The following ARHGAP24 variants were observed in gnomAD, a reference collection of about 807,000 sequenced individuals.
ARHGAP24 encodes the protein rho GTPase-activating protein 24.
A neutral mutation model predicts 76.4 loss-of-function variants in ARHGAP24; 50 were observed. That is an observed-to-expected ratio of 0.65 (90% confidence interval 0.52 to 0.83). The LOEUF (loss-of-function observed/expected upper bound fraction) is 0.83. Among genes scored for constraint, ARHGAP24 ranks in the 40% least tolerant of loss-of-function variants. The pLI is 0.00. For synonymous variants in ARHGAP24, 345 were observed against 323.3 expected, an observed-to-expected ratio of 1.07 and a Z score of -0.72; for missense variants, 930 against 914.2, an observed-to-expected ratio of 1.02 and a Z score of -0.22.
chr4:85,959,664 C>T (rs1578434635), intron 5 of ARHGAP24, among the ~76,000 whole-genome samples: 1 of 152,096 alleles, frequency 6.6e-6, no homozygotes, highest in South Asian at 2.1e-4. Flanking sequence ...TTCCGTGATT[C>T]GTGTACAAGC....
chr4:85,569,861 G>A (rs1380149510), intron 1 of ARHGAP24, among the ~76,000 whole-genome samples: 2 of 152,128 alleles, frequency 1.3e-5, no homozygotes, highest in Admixed American at 6.5e-5. Flanking sequence ...CTTGAAATGG[G>A]GACACACGTC....
At chr4:85,829,079 A>C (rs1455800300) in intron 3 of ARHGAP24, among the ~76,000 whole-genome samples, 1 of 152,204 alleles carries the variant, frequency 6.6e-6, no homozygotes, top group African/African-American at 2.4e-5. Flanking sequence ...AAAAATTTAG[A>C]GTCAGCAGAA....
chr4:85,485,377 ATATATATATATATATAT>A (rs1267597136), intron 1 of ARHGAP24, among the ~76,000 whole-genome samples: 2 of 10,382 alleles, frequency 1.9e-4, no homozygotes, highest in African/African-American at 7.4e-4. Context: ...AAAAAAAAAA[ATATATATATATATATAT>A]ATATATATAT....
intron 2 of ARHGAP24, among the ~76,000 whole-genome samples, chr4:85,669,268 G>A (rs1359525117): frequency 6.6e-6 from 1 of 152,064 alleles, no homozygotes; most frequent in Non-Finnish European, 1.5e-5. Flanking sequence ...TTATGTAATT[G>A]AGGAATTTTG....
chr4:85,875,122 T>TA (rs1732812599), intron 3 of ARHGAP24, among the ~76,000 whole-genome samples: 1 of 42,264 alleles, frequency 2.4e-5, no homozygotes, highest in African/African-American at 8.5e-5. Context: ...ATATAATATA[T>TA]TTATCTTATA....
At chr4:85,895,308 C>T (rs753214934) in intron 3 of ARHGAP24, among the ~76,000 whole-genome samples, 5 of 152,274 alleles carry the variant, frequency 3.3e-5, no homozygotes, top group Non-Finnish European at 7.4e-5. Context: ...AGCTCACCAT[C>T]GGAAGTTTTA....
At chr4:85,894,048 A>T (rs568483972) in intron 3 of ARHGAP24, among the ~76,000 whole-genome samples, 2 of 144,406 alleles carry the variant, frequency 1.4e-5, no homozygotes, top group African/African-American at 5.2e-5. Flanking sequence ...ATGTATACAT[A>T]TGTAACTAAC....
At chr4:85,931,367 G>C (rs1024946543) in intron 4 of ARHGAP24, among the ~76,000 whole-genome samples, 2 of 152,074 alleles carry the variant, frequency 1.3e-5, no homozygotes, top group South Asian at 4.2e-4. Context: ...GCCCTTCCTA[G>C]ACCCAAATCA....
intron 2 of ARHGAP24, among the ~76,000 whole-genome samples, chr4:85,628,199 C>G (rs1721036117): frequency 6.6e-6 from 1 of 152,190 alleles, no homozygotes; most frequent in South Asian, 2.1e-4. Flanking sequence ...GGAGCTGTTC[C>G]TATTTGACCA....
intron 3 of ARHGAP24, among the ~76,000 whole-genome samples, chr4:85,895,447 G>T (rs919026241): frequency 1.3e-5 from 2 of 152,062 alleles, no homozygotes; most frequent in Non-Finnish European, 2.9e-5. Flanking sequence ...GACACTCATG[G>T]AAGGCACTCA....
At chr4:85,605,824 GTGTTGT>G in intron 2 of ARHGAP24, among the ~76,000 whole-genome samples, 1 of 152,272 alleles carries the variant, frequency 6.6e-6, no homozygotes, top group African/African-American at 2.4e-5. Context: ...CAAAGAATAT[GTGTTGT>G]TTAGCAACAA....
chr4:85,672,930 C>T (rs1298444989), intron 2 of ARHGAP24, among the ~76,000 whole-genome samples: 2 of 152,118 alleles, frequency 1.3e-5, no homozygotes, highest in Non-Finnish European at 2.9e-5. Flanking sequence ...CTATCTTTAA[C>T]AATACATTGA....
intron 3 of ARHGAP24, among the ~76,000 whole-genome samples, chr4:85,854,005 C>T (rs1420852928): frequency 1.3e-5 from 2 of 150,906 alleles, no homozygotes; most frequent in Non-Finnish European, 3.0e-5. Context: ...CGTGGTGGTG[C>T]ATGCCTGTAA....
intron 9 of ARHGAP24, among the ~76,000 whole-genome samples, chr4:85,996,464 G>A (rs936797302): frequency 6.6e-6 from 1 of 152,152 alleles, no homozygotes; most frequent in Admixed American, 6.5e-5. Flanking sequence ...TGTGTGATTT[G>A]GACAACCCTT....
chr4:85,477,567 A>G (rs1343579453), intron 1 of ARHGAP24, among the ~76,000 whole-genome samples: 3 of 152,198 alleles, frequency 2.0e-5, no homozygotes, highest in African/African-American at 7.2e-5. Flanking sequence ...TTCATGGATC[A>G]TGGTTTTATT....
chr4:85,762,348 C>T (rs1382507730), intron 3 of ARHGAP24, among the ~76,000 whole-genome samples: 1 of 152,050 alleles, frequency 6.6e-6, no homozygotes, highest in Non-Finnish European at 1.5e-5. Flanking sequence ...TCATATGATA[C>T]TTTTTCTTTG....
At chr4:85,699,602 A>T (rs1334348694) in intron 2 of ARHGAP24, among the ~76,000 whole-genome samples, 2 of 149,960 alleles carry the variant, frequency 1.3e-5, no homozygotes, top group Non-Finnish European at 3.0e-5. Flanking sequence ...ACCCTGTCTC[A>T]ATTTTTTTTT....
intron 2 of ARHGAP24, among the ~76,000 whole-genome samples, chr4:85,628,016 T>G (rs943158238): frequency 6.6e-6 from 1 of 152,202 alleles, no homozygotes; most frequent in Non-Finnish European, 1.5e-5. Context: ...GCTGACCCCT[T>G]GCGCTTCCCA....
intron 1 of ARHGAP24, among the ~76,000 whole-genome samples, chr4:85,536,116 T>A (rs548622710): frequency 6.6e-6 from 1 of 152,128 alleles, no homozygotes; most frequent in South Asian, 2.1e-4. Flanking sequence ...TTGAGTGATA[T>A]AATCAGAATC....
Sources: gnomAD v4.1 joint callset for allele counts (sites outside exome capture counted in the v4.1 genomes callset) on GRCh38, gnomAD v4.1.1 for gene constraint, MANE v1.5 for transcripts, NCBI Gene and HGNC (gene_info 2026-07-23, HGNC 2026-07-21) for gene names.